Variants in FAM240A observed in about 807,000 individuals in gnomAD.
The protein encoded by FAM240A is family with sequence similarity 240 member A.
In FAM240A, 8 loss-of-function variants were observed where a neutral mutation model predicts 7.3. That is an observed-to-expected ratio of 1.09 (90% confidence interval 0.64 to 1.97). FAM240A has a LOEUF of 1.97. FAM240A is among the 30% of genes most tolerant of loss of function. FAM240A has a pLI of 0.00. For synonymous variants in FAM240A, 32 were observed against 35.9 expected (o/e 0.89, Z 0.38); for missense variants, 90 against 102.2 (o/e 0.88, Z 0.52).
At chr3:46,614,076 G>A (rs994750032) in intron 1 of FAM240A, among the ~76,000 whole-genome samples, 2 of 151,900 alleles carry the variant, frequency 1.3e-5, no homozygotes, top group Non-Finnish European at 2.9e-5. Flanking sequence ...GTAGCACTAC[G>A]CCCAGCTAAT....
rs1486397057 is a variant in FAM240A at position 46,618,878 on chromosome 3, TATATACAC to T, written c.161+1552_161+1559del. ...AGATATATATATATGTATATATATA[TATATACAC>T]ACACACACACACACACACACACACA... On this transcript the variant is annotated intron_variant, in intron 2 of 2. Coordinates refer to ENST00000640551, the MANE Select transcript of FAM240A (RefSeq NM_001195442.2). Among the ~76,000 whole-genome samples the T allele has an allele frequency of 3.3e-3, 245 of 73,880 alleles. 2 individuals carry two copies. The highest frequency in any genetic ancestry group is 8.6e-3 in the African/African-American group (176 of 20,394). The allele number at this position is 73,880 out of a possible 152,430, so 48.5% of individuals were successfully genotyped here.
At chr3:46,624,963 TTA>T (rs10539495) in intron 2 of FAM240A, among the ~76,000 whole-genome samples, 163 bp from the exon 3 acceptor site, 86,247 of 146,522 alleles carry the variant, frequency 0.59, 25,460 homozygotes, top group Middle Eastern at 0.62. Context: ...TATGAATAAA[TTA>T]TATATATATA....
At position 46,617,207 on chromosome 3, in the gene FAM240A, C is replaced by G; in HGVS notation, c.40C>G (p.Arg14Gly). ...GGGGATGAACAATCAATACACCCGT[C>G]GGGAGGTCTTCTGCCGGAACACCTG... ...FSGMNNQYTRREVFCRNTCHD... is the reference protein window; with the variant it reads ...FSGMNNQYTRGEVFCRNTCHD... Residue 14 changes from arginine to glycine, a missense_variant, in exon 2 of 3, where the codon CGG (arginine) becomes GGG (glycine). Transcript: ENST00000640551. 6.5e-7 allele frequency: 1 copy of G among 1,533,804 alleles called. No individual in the cohort carries two copies. The highest frequency in any genetic ancestry group is 8.7e-7 in the Non-Finnish European group (1 of 1,145,972).
At position 46,617,031 on chromosome 3, in the gene FAM240A, G is replaced by T. The variant is rs35497619; in HGVS notation, c.16-152G>T. Among the ~76,000 whole-genome samples the T allele has an allele frequency of 8.0e-3, 1,158 of 144,380 alleles. 19 individuals carry two copies. Among genetic ancestry groups the T allele is most frequent in the East Asian group, 0.052 (254 of 4,902 alleles). The allele number at this position is 144,380 out of a possible 152,430, so 94.7% of individuals were successfully genotyped here. A position where few individuals can be genotyped will look rare whatever the true frequency, so the allele number is the denominator to read the frequency against. On this transcript the variant is annotated intron_variant, in intron 1 of 2. Coordinates refer to ENST00000640551, the MANE Select transcript of FAM240A (RefSeq NM_001195442.2). ...TCTGCACCAACACCTATTAGTTTTT[G>T]ACTTTTAAACAGTCAAATTGGAGTA...
intron 2 of FAM240A, among the ~76,000 whole-genome samples, chr3:46,618,241 T>G (rs1327024987): frequency 6.6e-6 from 1 of 152,168 alleles, no homozygotes; most frequent in African/African-American, 2.4e-5. Context: ...AGCCTCCCAC[T>G]TATAGAGACC....
At position 46,626,390 on chromosome 3, in the gene FAM240A, T is replaced by C. The variant is rs9835025; in HGVS notation, c.*1172T>C. On this transcript the variant is annotated 3_prime_UTR_variant, in exon 3 of 3. Transcript: ENST00000640551. ...TACAGGGGATCAAAGCCTTCTGTTT[T>C]GGGTTAGATGGTGGTTGCTAGGTGG... is the stretch of plus-strand genomic sequence containing the variant. 15,119 of 152,218 alleles carry C rather than the reference T, an allele frequency of 0.099. 925 individuals are homozygous for C. Among genetic ancestry groups the C allele is most frequent in the East Asian group, 0.33 (1,697 of 5,166 alleles). 9.4% of individuals were successfully genotyped at this position (152,218 alleles called of 1,614,324 possible).
chr3:46,622,615 G>C (rs1173172743), intron 2 of FAM240A, among the ~76,000 whole-genome samples: 1 of 152,150 alleles, frequency 6.6e-6, no homozygotes, highest in Non-Finnish European at 1.5e-5. Context: ...AGTGGTTCCA[G>C]CACCATATGC....
At chr3:46,619,939 A>T (rs959652622) in intron 2 of FAM240A, among the ~76,000 whole-genome samples, 1 of 152,178 alleles carries the variant, frequency 6.6e-6, no homozygotes, top group Non-Finnish European at 1.5e-5. Context: ...GCAGTGCTGA[A>T]CATATAATAA....
At chr3:46,614,643 G>A (rs138331971) in intron 1 of FAM240A, among the ~76,000 whole-genome samples, 156 of 152,294 alleles carry the variant, frequency 1.0e-3, no homozygotes, top group Non-Finnish European at 1.8e-3. Flanking sequence ...TATCTCTGAC[G>A]TATCAGAAGT....
At chr3:46,618,715 C>T (rs1004977077) in intron 2 of FAM240A, among the ~76,000 whole-genome samples, 1 of 151,850 alleles carries the variant, frequency 6.6e-6, no homozygotes, top group Non-Finnish European at 1.5e-5. Flanking sequence ...TGGTGCATGC[C>T]TGTAATCCCA....
intron 2 of FAM240A, among the ~76,000 whole-genome samples, chr3:46,621,393 C>T (rs540052679): frequency 6.4e-4 from 97 of 152,228 alleles, no homozygotes; most frequent in African/African-American, 2.3e-3. Flanking sequence ...TTTTTATTAG[C>T]ATTTGCCTTA....
At chr3:46,624,963 T>TTATATATATATATATATATATATATATA (rs10539495) in intron 2 of FAM240A, among the ~76,000 whole-genome samples, 165 bp from the exon 3 acceptor site, 1 of 146,628 alleles carries the variant, frequency 6.8e-6, no homozygotes, top group African/African-American at 2.5e-5. Flanking sequence ...TATGAATAAA[T>TTATATATATATATATATATATATATATA]TATATATATA....
chr3:46,624,918 G>C (rs933025628), intron 2 of FAM240A, among the ~76,000 whole-genome samples: 2 of 150,592 alleles, frequency 1.3e-5, no homozygotes, highest in African/African-American at 2.4e-5. Context: ...ACAAAAATGA[G>C]AGCCTGTTTA....
At chr3:46,621,058 G>A (rs990805332) in intron 2 of FAM240A, among the ~76,000 whole-genome samples, 5 of 151,948 alleles carry the variant, frequency 3.3e-5, no homozygotes, top group African/African-American at 1.2e-4. Context: ...CTACTTTTTT[G>A]TATGCTTGAA....
At chr3:46,622,444 C>G (rs1052768478) in intron 2 of FAM240A, among the ~76,000 whole-genome samples, 3 of 152,056 alleles carry the variant, frequency 2.0e-5, no homozygotes, top group Admixed American at 1.3e-4. Flanking sequence ...TTTGTTGTAT[C>G]TAAGAAGACT....
At chr3:46,615,271 G>T (rs1055127902) in intron 1 of FAM240A, among the ~76,000 whole-genome samples, 1 of 152,050 alleles carries the variant, frequency 6.6e-6, no homozygotes, top group Non-Finnish European at 1.5e-5. Flanking sequence ...CCCCCTGGGG[G>T]TCGGCACCCA....
intron 2 of FAM240A, among the ~76,000 whole-genome samples, chr3:46,622,650 A>G (rs1697711015): frequency 6.6e-6 from 1 of 152,250 alleles, no homozygotes; most frequent in South Asian, 2.1e-4. Flanking sequence ...TTTCTCCACT[A>G]CATTGTCTTT....
chr3:46,618,399 G>A (rs1484034644), intron 2 of FAM240A, among the ~76,000 whole-genome samples: 1 of 152,190 alleles, frequency 6.6e-6, no homozygotes, highest in Non-Finnish European at 1.5e-5. Flanking sequence ...CCATGTGTGG[G>A]TTCCCTGGGG....
chr3:46,621,202 T>C (rs145211560), intron 2 of FAM240A, among the ~76,000 whole-genome samples: 80 of 152,358 alleles, frequency 5.3e-4, no homozygotes, highest in Admixed American at 1.1e-3. Context: ...ACTTTGAGGC[T>C]ACTTTATTAG....
Sources: allele counts gnomAD v4.1 joint callset (sites outside exome capture counted in the v4.1 genomes callset), GRCh38; gene constraint gnomAD v4.1.1; transcripts MANE v1.5; gene names NCBI Gene and HGNC (gene_info 2026-07-23, HGNC 2026-07-21).